MEIKIN: variants seen among roughly 807,000 people sequenced by gnomAD.
MEIKIN encodes meiotic kinetochore factor.
chr5:131,899,445 C>A (rs1751116486), intron 8 of MEIKIN, among the ~76,000 whole-genome samples: 1 of 148,826 alleles, frequency 6.7e-6, no homozygotes, highest in East Asian at 2.0e-4. Flanking sequence ...CCAGAAATAA[C>A]AAAATGTCAG....
intron 11 of MEIKIN, among the ~76,000 whole-genome samples, chr5:131,830,904 T>G (rs1037683492): frequency 7.4e-6 from 1 of 135,090 alleles, no homozygotes; most frequent in African/African-American, 3.1e-5. Flanking sequence ...AGGACTTTGG[T>G]TTTTTTTTTT....
At chr5:131,933,351 G>A (rs1027022412) in intron 5 of MEIKIN, among the ~76,000 whole-genome samples, 162 bp downstream of exon 5, 3 of 152,216 alleles carry the variant, frequency 2.0e-5, no homozygotes, top group African/African-American at 2.4e-5. Flanking sequence ...TTAGTCCTAT[G>A]TGACTGGGAA....
At chr5:131,853,253 T>C (rs754136936) in intron 10 of MEIKIN, among the ~76,000 whole-genome samples, 23 of 152,216 alleles carry the variant, frequency 1.5e-4, no homozygotes, top group Admixed American at 1.2e-3. Context: ...TGCAGGGACA[T>C]TGTAATTACA....
At chr5:131,840,403 G>A (rs765573672) in intron 11 of MEIKIN, among the ~76,000 whole-genome samples, 1 of 152,092 alleles carries the variant, frequency 6.6e-6, no homozygotes, top group Non-Finnish European at 1.5e-5. Context: ...TAAAATGTTG[G>A]CCTCTCTAGC....
In MEIKIN at chr5:131,941,142, C is replaced by CTTTTTTTT. The variant is rs397999274; in HGVS notation, c.349+1485_349+1492dup. ...TTGACAATTCCTTCAAGATCTCTTC[C>CTTTTTTTT]TTTTTTTTTTTTTTTTTTTTTTTTT... On this transcript the variant is annotated intron_variant, in intron 4 of 12. Transcript: ENST00000442687. Among the ~76,000 whole-genome samples, 141 of 59,712 alleles carry CTTTTTTTT rather than the reference C, an allele frequency of 2.4e-3. 11 individuals carry two copies. Among genetic ancestry groups the CTTTTTTTT allele is most frequent in the African/African-American group, 5.5e-3 (72 of 13,110 alleles). 39.2% of individuals were successfully genotyped at this position (59,712 alleles called of 152,430 possible). A position where few individuals can be genotyped will look rare whatever the true frequency, so the allele number is the denominator to read the frequency against.
At chr5:131,928,836 G>A (rs996256074) in intron 5 of MEIKIN, among the ~76,000 whole-genome samples, 2 of 152,094 alleles carry the variant, frequency 1.3e-5, no homozygotes, top group African/African-American at 4.8e-5. Flanking sequence ...TTAAACTGAA[G>A]AGCTTAATAG....
intron 8 of MEIKIN, among the ~76,000 whole-genome samples, chr5:131,891,752 G>T (rs1750924002): frequency 6.6e-6 from 1 of 152,174 alleles, no homozygotes. Context: ...ATTTGATCCT[G>T]TCATTATGAT....
intron 9 of MEIKIN, among the ~76,000 whole-genome samples, chr5:131,857,305 T>A (rs956035644): frequency 2.0e-5 from 3 of 151,984 alleles, no homozygotes; most frequent in African/African-American, 7.3e-5. Flanking sequence ...TGGAAAAAAA[T>A]AACGTCACAC....
intron 4 of MEIKIN, among the ~76,000 whole-genome samples, chr5:131,941,142 C>CTTT (rs397999274): frequency 0.014 from 831 of 59,730 alleles, 128 homozygotes; most frequent in African/African-American, 0.038. Flanking sequence ...AGATCTCTTC[C>CTTT]TTTTTTTTTT....
At chr5:131,899,337 G>C (rs188612105) in intron 8 of MEIKIN, among the ~76,000 whole-genome samples, 170 of 151,830 alleles carry the variant, frequency 1.1e-3, no homozygotes, top group Non-Finnish European at 2.0e-3. Context: ...ACATACAACA[G>C]ATACACAAAA....
chr5:131,820,603 GTTC>G (rs1235937076), intron 11 of MEIKIN, among the ~76,000 whole-genome samples: 1 of 152,248 alleles, frequency 6.6e-6, no homozygotes, highest in East Asian at 1.9e-4. Context: ...ATTGGTATTA[GTTC>G]TTCTTCAAAT....
intron 9 of MEIKIN, among the ~76,000 whole-genome samples, chr5:131,874,568 A>G (rs910536203): frequency 6.6e-5 from 10 of 152,236 alleles, no homozygotes; most frequent in African/African-American, 2.4e-4. Context: ...CCAGAGGTAC[A>G]AGGAGGAGCT....
intron 4 of MEIKIN, among the ~76,000 whole-genome samples, chr5:131,939,922 C>T (rs896980708): frequency 1.3e-5 from 2 of 152,136 alleles, no homozygotes; most frequent in Non-Finnish European, 2.9e-5. Context: ...AAATAGAGTA[C>T]AAGACCCATC....
At chr5:131,889,522 T>G (rs935215052) in intron 8 of MEIKIN, among the ~76,000 whole-genome samples, 5 of 152,212 alleles carry the variant, frequency 3.3e-5, no homozygotes, top group South Asian at 2.1e-4. Context: ...TCTCTGTTAT[T>G]GGTGTATAAG....
intron 5 of MEIKIN, among the ~76,000 whole-genome samples, chr5:131,922,674 A>T (rs1460262942): frequency 6.6e-6 from 1 of 152,142 alleles, no homozygotes; most frequent in Non-Finnish European, 1.5e-5. Context: ...CCACTATGGA[A>T]TAAGGCTATT....
chr5:131,909,927 G>A (rs781094906), intron 8 of MEIKIN, among the ~76,000 whole-genome samples: 20 of 152,038 alleles, frequency 1.3e-4, no homozygotes, highest in Non-Finnish European at 1.9e-4. Flanking sequence ...ATAACATGCC[G>A]GTGAGGATGT....
At chr5:131,924,455 T>C (rs1346229458) in intron 5 of MEIKIN, among the ~76,000 whole-genome samples, 1 of 152,208 alleles carries the variant, frequency 6.6e-6, no homozygotes, top group Non-Finnish European at 1.5e-5. Flanking sequence ...ACAAGGGTTC[T>C]AATTTATCCA....
chr5:131,940,329 T>C (rs573866288), intron 4 of MEIKIN, among the ~76,000 whole-genome samples: 1 of 152,352 alleles, frequency 6.6e-6, no homozygotes, highest in East Asian at 1.9e-4. Flanking sequence ...CTCTAGTCTA[T>C]TTTCTAGCTC....
chr5:131,891,921 C>A (rs997282090), intron 8 of MEIKIN, among the ~76,000 whole-genome samples: 1 of 152,070 alleles, frequency 6.6e-6, no homozygotes, highest in Non-Finnish European at 1.5e-5. Flanking sequence ...GTGGTGACAA[C>A]ATCTCTCAGC....
Sources: gnomAD v4.1 joint callset for allele counts (sites outside exome capture counted in the v4.1 genomes callset) on GRCh38, gnomAD v4.1.1 for gene constraint, MANE v1.5 for transcripts, NCBI Gene and HGNC (gene_info 2026-07-23, HGNC 2026-07-21) for gene names.